The following MTRF1 variants were observed in gnomAD, a reference collection of about 807,000 sequenced individuals.
The protein encoded by MTRF1 is mitochondrial translation release factor 1.
Under a neutral mutation model 62.9 loss-of-function variants are expected in MTRF1, and 51 were observed. The observed-to-expected ratio is 0.81, with a 90% CI of 0.65 to 1.02. The LOEUF (loss-of-function observed/expected upper bound fraction) is 1.02, where lower values mean the gene tolerates loss of function less well. MTRF1 is among the 50% of genes least tolerant of loss of function. The pLI, the probability that MTRF1 is intolerant of heterozygous loss-of-function variation, is 0.00. For missense variants in MTRF1, 446 were observed against 530.0 expected (o/e 0.84, Z 1.56); for synonymous variants, 158 against 181.9 (o/e 0.87, Z 1.06).
the MTRF1 span, among the ~76,000 whole-genome samples, chr13:41,272,171 C>T: frequency 6.6e-6 from 1 of 152,172 alleles, no homozygotes; most frequent in East Asian, 1.9e-4. Flanking sequence ...ACAATCTGCT[C>T]ATGACTCTTG....
intron 7 of MTRF1, among the ~76,000 whole-genome samples, chr13:41,228,964 T>G (rs999278997): frequency 2.6e-5 from 4 of 152,238 alleles, no homozygotes; most frequent in African/African-American, 9.6e-5. Context: ...AAGCAGATGC[T>G]GAAACCATGG....
the MTRF1 span, among the ~76,000 whole-genome samples, chr13:41,305,298 T>A: frequency 1.3e-5 from 2 of 152,186 alleles, no homozygotes; most frequent in African/African-American, 4.8e-5. Context: ...GCTCAAGTGA[T>A]CCTCCTGCCT....
upstream of MTRF1, among the ~76,000 whole-genome samples, chr13:41,265,701 G>C (rs140808811): frequency 5.3e-5 from 8 of 152,132 alleles, no homozygotes; most frequent in African/African-American, 1.9e-4. Context: ...TGAGTACACT[G>C]TGAGATGGTG....
chr13:41,219,059 C>T (rs1439797270), intron 9 of MTRF1, among the ~76,000 whole-genome samples: 3 of 147,704 alleles, frequency 2.0e-5, no homozygotes, highest in Non-Finnish European at 3.0e-5. Flanking sequence ...GCAAGGCTGA[C>T]GCGGGCAGAT....
chr13:41,295,711 C>G, the MTRF1 span, among the ~76,000 whole-genome samples: 2 of 152,328 alleles, frequency 1.3e-5, no homozygotes, highest in African/African-American at 4.8e-5. Flanking sequence ...ATGATTATCA[C>G]TCTGGTTAAA....
At chr13:41,272,637 G>C in the MTRF1 span, among the ~76,000 whole-genome samples, 1 of 152,140 alleles carries the variant, frequency 6.6e-6, no homozygotes, top group Non-Finnish European at 1.5e-5. Flanking sequence ...TGTTAAACCA[G>C]TCAAGACAAA....
At chr13:41,232,256 C>A (rs1289293368) in intron 7 of MTRF1, among the ~76,000 whole-genome samples, 1 of 151,270 alleles carries the variant, frequency 6.6e-6, no homozygotes, top group African/African-American at 2.4e-5. Context: ...ATTCTGAGAA[C>A]AAGAAAGAGC....
chr13:41,234,008 CT>C lies in MTRF1; in HGVS notation c.871-2del, dbSNP rs775292250. The C allele has an allele frequency of 6.2e-7, 1 of 1,605,756 alleles. No homozygotes were observed. The highest frequency in any genetic ancestry group is 8.5e-7 in the Non-Finnish European group (1 of 1,172,462). On this transcript the variant is annotated splice_acceptor_variant, in intron 6 of 9. Coordinates refer to ENST00000379480, the MANE Select transcript of MTRF1 (RefSeq NM_004294.4). LOFTEE classifies it high-confidence loss of function. ...CCTTGGGGTCCAATTTCACATCCAC[CT>C]AGAACAGAAGGCATGGCATAATTCT...
the MTRF1 span, among the ~76,000 whole-genome samples, chr13:41,274,348 T>C: frequency 6.6e-6 from 1 of 152,224 alleles, no homozygotes; most frequent in Non-Finnish European, 1.5e-5. Flanking sequence ...ACTTATTTCC[T>C]GAAAACACAC....
chr13:41,223,090 A>G (rs572292884), intron 9 of MTRF1, among the ~76,000 whole-genome samples, 166 bp downstream of exon 9: 9 of 152,208 alleles, frequency 5.9e-5, no homozygotes, highest in Non-Finnish European at 1.2e-4. Flanking sequence ...TTATTTTTTT[A>G]ACCAGCAAAC....
intron 5 of MTRF1, among the ~76,000 whole-genome samples, chr13:41,247,571 G>C (rs1403866171): frequency 1.3e-5 from 2 of 152,146 alleles, no homozygotes; most frequent in Non-Finnish European, 1.5e-5. Context: ...AGCTAAATGG[G>C]GATGTGGCGG....
the MTRF1 span, among the ~76,000 whole-genome samples, chr13:41,292,971 T>C: frequency 6.6e-6 from 1 of 152,096 alleles, no homozygotes; most frequent in Admixed American, 6.5e-5. Flanking sequence ...AAAAACTTAT[T>C]TGCCTGAAAT....
intron 6 of MTRF1, chr13:41,236,434 T>A (rs2036591827): frequency 6.6e-6 from 1 of 152,194 alleles, no homozygotes; most frequent in Non-Finnish European, 1.5e-5. Context: ...TGCTATTTTT[T>A]AGGGGAGAGC....
chr13:41,254,497 C>G (rs1359631834), intron 3 of MTRF1, 32 bp downstream of exon 3: 1 of 1,507,712 alleles, frequency 6.6e-7, no homozygotes, highest in Non-Finnish European at 9.2e-7. Flanking sequence ...TTATACAGCA[C>G]TATTGAAACT....
At chr13:41,311,487 C>T in the MTRF1 span, 1 of 1,565,048 alleles carries the variant, frequency 6.4e-7, no homozygotes, top group South Asian at 1.2e-5. Context: ...CGCCCGGGCA[C>T]CTAGCCTCCC....
chr13:41,238,937 C>T (rs934754996), intron 6 of MTRF1, among the ~76,000 whole-genome samples: 1 of 151,880 alleles, frequency 6.6e-6, no homozygotes, highest in East Asian at 1.9e-4. Flanking sequence ...AAGAGTACCA[C>T]AAGGAACAGT....
upstream of MTRF1, among the ~76,000 whole-genome samples, chr13:41,267,192 TG>T (rs1303353586): frequency 6.6e-6 from 1 of 152,162 alleles, no homozygotes; most frequent in Non-Finnish European, 1.5e-5. Context: ...TTGAAGAAAC[TG>T]GATCCTTAGC....
At chr13:41,293,017 G>C in the MTRF1 span, among the ~76,000 whole-genome samples, 1 of 152,118 alleles carries the variant, frequency 6.6e-6, no homozygotes, top group Non-Finnish European at 1.5e-5. Flanking sequence ...ATCTGTAAGG[G>C]CAATTAAATT....
chr13:41,293,882 T>C, the MTRF1 span, among the ~76,000 whole-genome samples: 1 of 152,174 alleles, frequency 6.6e-6, no homozygotes, highest in Non-Finnish European at 1.5e-5. Flanking sequence ...TAGGGAAACA[T>C]GTTTCTAAAA....
Sources: allele counts gnomAD v4.1 joint callset (sites outside exome capture counted in the v4.1 genomes callset), GRCh38; gene constraint gnomAD v4.1.1; transcripts MANE v1.5; gene names NCBI Gene and HGNC (gene_info 2026-07-23, HGNC 2026-07-21).